RTKN2: variants seen among roughly 807,000 people sequenced by gnomAD.
RTKN2 encodes the protein rhotekin 2.
RTKN2 carries 69 observed loss-of-function variants against 71.5 expected under a neutral mutation model. The ratio of observed to expected loss-of-function variants is 0.96; its 90% CI spans 0.79 to 1.18. The LOEUF (loss-of-function observed/expected upper bound fraction) is 1.18, where lower values mean the gene tolerates loss of function less well. RTKN2 is among the 50% of genes most tolerant of loss of function. The pLI, the probability that RTKN2 is intolerant of heterozygous loss-of-function variation, is 0.00. For missense variants in RTKN2, 724 were observed against 719.7 expected, an observed-to-expected ratio of 1.01 and a Z score of -0.07; for synonymous variants, 236 against 236.5, an observed-to-expected ratio of 1.00 and a Z score of 0.02.
chr10:62,190,201 T>C (rs1347537517), downstream of RTKN2, among the ~76,000 whole-genome samples: 2 of 152,166 alleles, frequency 1.3e-5, no homozygotes, highest in African/African-American at 4.8e-5. Context: ...GACCACATTA[T>C]TGGGGAAAAA....
chr10:62,197,371 G>A lies in RTKN2; in HGVS notation c.*537C>T. 1.0e-6 allele frequency: 1 copy of A among 985,356 alleles called. No individual in the cohort carries two copies. Among genetic ancestry groups the A allele is most frequent in the Non-Finnish European group, 1.2e-6 (1 of 829,524 alleles). 61.0% of individuals were successfully genotyped at this position (985,356 alleles called of 1,614,324 possible). A position where few individuals can be genotyped will look rare whatever the true frequency, so the allele number is the denominator to read the frequency against. ...TAAAATTTATCCCAGGAATTTAAAA[G>A]GTCAGGCCTATAAACTAGTGAGTTA... On this transcript the variant is annotated 3_prime_UTR_variant, in exon 12 of 12. Coordinates refer to ENST00000373789, the MANE Select transcript of RTKN2 (RefSeq NM_145307.4).
intron 6 of RTKN2, among the ~76,000 whole-genome samples, chr10:62,228,523 T>C (rs1271141710): frequency 1.3e-5 from 2 of 152,136 alleles, no homozygotes; most frequent in African/African-American, 2.4e-5. Context: ...AGGAAGTAGA[T>C]AGGAATATAA....
intron 9 of RTKN2, among the ~76,000 whole-genome samples, chr10:62,209,977 A>T (rs1336026008): frequency 2.0e-5 from 3 of 152,156 alleles, no homozygotes; most frequent in African/African-American, 7.2e-5. Context: ...TTGGGTATAT[A>T]CCCAGTAATG....
chr10:62,259,296 A>G (rs2133087269), intron 2 of RTKN2: 1 of 409,394 alleles, frequency 2.4e-6, no homozygotes, highest in South Asian at 1.8e-5. Flanking sequence ...TCTCGGGTAT[A>G]TCTGTATTAA....
At chr10:62,221,088 C>A (rs1308086977) in intron 7 of RTKN2, among the ~76,000 whole-genome samples, 7 of 147,988 alleles carry the variant, frequency 4.7e-5, no homozygotes, top group African/African-American at 1.5e-4. Context: ...AAGTAGTGCA[C>A]AGAAACATGT....
intron 5 of RTKN2, chr10:62,238,039 ATG>A (rs1437431399): frequency 2.0e-5 from 3 of 151,898 alleles, no homozygotes; most frequent in Non-Finnish European, 4.4e-5. Context: ...TCAGCAGCAG[ATG>A]TTACTTGCAG....
At chr10:62,233,303 T>C (rs970488882) in intron 6 of RTKN2, among the ~76,000 whole-genome samples, 1 of 152,170 alleles carries the variant, frequency 6.6e-6, no homozygotes, top group Admixed American at 6.5e-5. Flanking sequence ...TGCTTAAACC[T>C]GGAAATAGAA....
chr10:62,241,898 A>C (rs946227518), intron 3 of RTKN2, among the ~76,000 whole-genome samples: 2 of 152,020 alleles, frequency 1.3e-5, no homozygotes, highest in Admixed American at 6.5e-5. Context: ...ATGGGGTTTT[A>C]CCGTGTTAGC....
intron 4 of RTKN2, among the ~76,000 whole-genome samples, chr10:62,240,199 A>G (rs898598351): frequency 2.6e-5 from 4 of 151,858 alleles, no homozygotes; most frequent in Non-Finnish European, 5.9e-5. Flanking sequence ...GAGTAGGCAC[A>G]TTAACGACAG....
chr10:62,190,344 A>C (rs532350470), downstream of RTKN2, among the ~76,000 whole-genome samples: 1 of 152,286 alleles, frequency 6.6e-6, no homozygotes, highest in South Asian at 2.1e-4. Flanking sequence ...TCCTGTCTCC[A>C]CTTACTGGGA....
chr10:62,221,621 T>C (rs1841909350), intron 7 of RTKN2, among the ~76,000 whole-genome samples: 1 of 151,996 alleles, frequency 6.6e-6, no homozygotes, highest in Non-Finnish European at 1.5e-5. Flanking sequence ...AGGTTCAAAT[T>C]ATATACAGTA....
At chr10:62,212,139 C>G (rs1250413161) in intron 9 of RTKN2, among the ~76,000 whole-genome samples, 1 of 150,856 alleles carries the variant, frequency 6.6e-6, no homozygotes, top group Non-Finnish European at 1.5e-5. Context: ...GTAATTAAAA[C>G]TTTTAGGTAA....
In RTKN2 at chr10:62,259,422, T is replaced by C. The variant is rs1218924573; in HGVS notation, c.257+3203A>G. Among the ~76,000 whole-genome samples the C allele has an allele frequency of 3.3e-5, 5 of 152,240 alleles. No individual in the cohort carries two copies. The East Asian group carries it at 5.8e-4, about 18-fold the overall frequency. On this transcript the variant is annotated intron_variant, in intron 2 of 11. Coordinates refer to ENST00000373789, the MANE Select transcript of RTKN2 (RefSeq NM_145307.4). ...TGTTAATTAATACCAAAGAACTCTG[T>C]AGCATTCCAGGCTTTCTTGAATCTT...
In RTKN2 at chr10:62,248,801, C is replaced by T. The variant is rs137942170; in HGVS notation, c.258-2744G>A. ...TTATCCTACCTTATATTGTTCCAAG[C>T]GGGAATTTAAAACAGCATTTCTTTG... On this transcript the variant is annotated intron_variant, in intron 2 of 11. Transcript: ENST00000373789. Among the ~76,000 whole-genome samples, 483 of 152,138 alleles carry T rather than the reference C, an allele frequency of 3.2e-3. 4 individuals are homozygous for T. Among genetic ancestry groups the T allele is most frequent in the Non-Finnish European group, 3.9e-3 (265 of 67,976 alleles).
chr10:62,199,065 ATC>A (rs1841387907), intron 11 of RTKN2, among the ~76,000 whole-genome samples: 1 of 152,144 alleles, frequency 6.6e-6, no homozygotes, highest in South Asian at 2.1e-4. Flanking sequence ...ACAGAGATAA[ATC>A]TCTATTAAAT....
At chr10:62,244,996 T>A (rs1237188692) in intron 3 of RTKN2, among the ~76,000 whole-genome samples, 1 of 152,164 alleles carries the variant, frequency 6.6e-6, no homozygotes, top group Non-Finnish European at 1.5e-5. Context: ...TTTTAGCCAA[T>A]AACCTAGTGA....
chr10:62,257,283 T>C (rs750508343), intron 2 of RTKN2, among the ~76,000 whole-genome samples: 5 of 152,212 alleles, frequency 3.3e-5, no homozygotes, highest in African/African-American at 4.8e-5. Flanking sequence ...AAGCTTATAA[T>C]TTATGAAAAG....
At chr10:62,213,312 G>A (rs993433091) in intron 9 of RTKN2, among the ~76,000 whole-genome samples, 1 of 152,210 alleles carries the variant, frequency 6.6e-6, no homozygotes, top group Non-Finnish European at 1.5e-5. Flanking sequence ...GGCATCACCA[G>A]TAGTGGCGAC....
chr10:62,222,393 T>A (rs1255330184), intron 7 of RTKN2, among the ~76,000 whole-genome samples: 2 of 152,144 alleles, frequency 1.3e-5, no homozygotes, highest in Non-Finnish European at 2.9e-5. Context: ...ATTACAGGCA[T>A]GAGCCACCAC....
Sources: gnomAD v4.1 joint callset for allele counts (sites outside exome capture counted in the v4.1 genomes callset) on GRCh38, gnomAD v4.1.1 for gene constraint, MANE v1.5 for transcripts, NCBI Gene and HGNC (gene_info 2026-07-23, HGNC 2026-07-21) for gene names.